KIFC2: variants seen among roughly 807,000 people sequenced by gnomAD.
KIFC2 encodes kinesin family member C2, also known as kinesin-like protein KIFC2.
KIFC2 carries 94 observed loss-of-function variants against 91.5 expected under a neutral mutation model. The ratio of observed to expected loss-of-function variants is 1.03; its 90% CI spans 0.87 to 1.22. KIFC2 has a LOEUF of 1.22. Among genes scored for constraint, KIFC2 ranks in the 50% most tolerant of loss-of-function variants. KIFC2 has a pLI of 0.00. For synonymous variants in KIFC2, 729 were observed against 503.9 expected (o/e 1.45, Z -5.98); for missense variants, 1,357 against 1,103.3 (o/e 1.23, Z -3.26).
At position 144,470,875 on chromosome 8, in the gene KIFC2, G is replaced by A. The variant is rs539243258; in HGVS notation, c.1381-1067G>A. ...TGCCACTGCAGCCCTTATCTCTCAGGGGAAAGTGAGGCACAGGAAGGCCAA... is the reference window on the plus strand; with the variant it reads ...TGCCACTGCAGCCCTTATCTCTCAGAGGAAAGTGAGGCACAGGAAGGCCAA... On this transcript the variant is annotated intron_variant, in intron 12 of 17. Transcript: ENST00000645548. Among the ~76,000 whole-genome samples, 4 of 152,338 alleles carry A rather than the reference G, an allele frequency of 2.6e-5. No individual in the cohort carries two copies. In the East Asian group the frequency reaches 5.8e-4, roughly 22 times the overall value.
Position 144,466,372 on chromosome 8 carries a change from G to T in KIFC2, c.-48G>T. The T allele has an allele frequency of 1.2e-6, 1 of 815,984 alleles. No homozygotes were observed. The highest frequency in any genetic ancestry group is 1.6e-6 in the Non-Finnish European group (1 of 628,072). 50.5% of individuals were successfully genotyped at this position (815,984 alleles called of 1,614,324 possible). A position where few individuals can be genotyped will look rare whatever the true frequency, so the allele number is the denominator to read the frequency against. On this transcript the variant is annotated 5_prime_UTR_variant, in exon 1 of 18. Transcript: ENST00000645548. ...CGGGCGGGCGCCGAGTCTGGGCGCG[G>T]GGACGCGGGGCGGCGCGAAGCGGGG...
chr8:144,473,244 C>T lies in KIFC2; in HGVS notation c.2231C>T (p.Ser744Phe), dbSNP rs1564750716. ...CGGCGCCGCAGGGTCCCGCGCTCCT[C>T]CGGGACGCCTTCTTCCCTCAGCACC... ...PARRRRVPRS[S>F]GTPSSLSTDT... The change falls in exon 18 of 18, where the codon TCC becomes TTC. Residue 744 changes from serine to phenylalanine, a missense_variant. By Grantham distance (155) the Ser-to-Phe change is radical. Coordinates refer to ENST00000645548, the MANE Select transcript of KIFC2 (RefSeq NM_001369769.2). The T allele has an allele frequency of 6.2e-7, 1 of 1,603,120 alleles. No individual in the cohort carries two copies. The highest frequency in any genetic ancestry group is 8.5e-7 in the Non-Finnish European group (1 of 1,176,026).
Position 144,474,132 on chromosome 8 carries a change from G to C in KIFC2, c.*743G>C. 1.2e-6 allele frequency: 1 copy of C among 850,468 alleles called. No individual in the cohort carries two copies. Among genetic ancestry groups the C allele is most frequent in the East Asian group, 2.7e-5 (1 of 37,622 alleles). 52.7% of individuals were successfully genotyped at this position (850,468 alleles called of 1,614,324 possible). On this transcript the variant is annotated 3_prime_UTR_variant, in exon 18 of 18. Coordinates refer to ENST00000645548, the MANE Select transcript of KIFC2 (RefSeq NM_001369769.2). ...TGGACTCCCAGCAAGGCTGCTGCCT[G>C]GTGTTTCGAGGCTGCTGTGGTCGCA... is the stretch of plus-strand genomic sequence containing the variant.
Position 144,472,468 on chromosome 8 carries a change from T to C in KIFC2, c.1715T>C (p.Leu572Pro). The C allele has an allele frequency of 6.2e-7, 1 of 1,611,972 alleles. No homozygotes were observed. Among genetic ancestry groups the C allele is most frequent in the Non-Finnish European group, 8.5e-7 (1 of 1,179,482 alleles). ...AGLTHWDVPN[L>P]ETLHQMLKLG... Reference sequence around the variant, plus strand: ...CTCACCCACTGGGACGTGCCCAACCTGGAGACATTGCACCAGGTAGGGCTG... The same window carrying C: ...CTCACCCACTGGGACGTGCCCAACCCGGAGACATTGCACCAGGTAGGGCTG... The change falls in exon 15 of 18, where the codon CTG (leucine) becomes CCG (proline). Residue 572 changes from leucine (L) to proline (P), a missense_variant. By Grantham distance (98) the Leu-to-Pro change is moderately conservative. Coordinates refer to ENST00000645548, the MANE Select transcript of KIFC2 (RefSeq NM_001369769.2).
At chr8:144,470,099 C>G (rs570868968) in intron 12 of KIFC2, among the ~76,000 whole-genome samples, 1 of 152,246 alleles carries the variant, frequency 6.6e-6, no homozygotes, top group Non-Finnish European at 1.5e-5. Flanking sequence ...ACGTTTTCAT[C>G]TGCACATGCC....
In KIFC2 at chr8:144,467,923, G is replaced by GC; in HGVS notation, c.748dup (p.Leu250ProfsTer76). On this transcript the variant is annotated frameshift_variant, in exon 7 of 18. Transcript: ENST00000645548. LOFTEE classifies it high-confidence loss of function. ...CTGGAGAACGAGGCCCTGAAGCAGA[G>GC]CCTGAGTCTCATGCGGGACCTCCTG... is the stretch of plus-strand genomic sequence containing the variant. 1 of 1,611,020 alleles carries GC rather than the reference G, an allele frequency of 6.2e-7. No homozygotes were observed. The highest frequency in any genetic ancestry group is 8.5e-7 in the Non-Finnish European group (1 of 1,179,036).
rs755980856 is a variant in KIFC2, at chr8:144,472,787, C to G, written c.1862-8C>G. The G allele has an allele frequency of 7.5e-6, 12 of 1,591,356 alleles. No individual in the cohort carries two copies. Among genetic ancestry groups the G allele is most frequent in the Non-Finnish European group, 1.0e-5 (12 of 1,177,006 alleles). On this transcript the variant is annotated splice_region_variant and splice_polypyrimidine_tract_variant and intron_variant, in intron 16 of 17. Transcript: ENST00000645548. ...CTTCCCCCATGTCGGGCTCGCTCGC[C>G]CCTCTAGGCACGCTGCACCTGGTGG... is the stretch of plus-strand genomic sequence containing the variant.
In KIFC2 at chr8:144,473,279, C is replaced by T. The variant is rs761675816; in HGVS notation, c.2266C>T (p.Leu756Phe). The T allele has an allele frequency of 1.2e-6, 2 of 1,606,172 alleles. No homozygotes were observed. Among genetic ancestry groups the T allele is most frequent in the South Asian group, 1.1e-5 (1 of 89,878 alleles). The change falls in exon 18 of 18, where the codon CTC becomes TTC. Residue 756 changes from leucine to phenylalanine, a missense_variant. Transcript: ENST00000645548. Reference protein sequence around the residue: ...TPSSLSTDTPLTGTPCTPTPS... With the variant: ...TPSSLSTDTPFTGTPCTPTPS... ...TTCTTCCCTCAGCACCGACACTCCG[C>T]TCACCGGGACCCCCTGCACCCCTAC...
At position 144,467,629 on chromosome 8, in the gene KIFC2, A is replaced by C. The variant is rs1434246121; in HGVS notation, c.614A>C (p.Gln205Pro). 2 of 1,597,352 alleles carry C rather than the reference A, an allele frequency of 1.3e-6. No individual in the cohort carries two copies. The highest frequency in any genetic ancestry group is 2.7e-5 in the African/African-American group (2 of 74,432). ...CGGCTGGAGCAGCTCATCCTGGGACAGGTGAGGTCCCTGGAGCCAGAAGGG... is the reference window on the plus strand; with the variant it reads ...CGGCTGGAGCAGCTCATCCTGGGACCGGTGAGGTCCCTGGAGCCAGAAGGG... ...WQRLEQLILG[Q>P]LEELKQQLEQ... Residue 205 changes from glutamine to proline, a missense_variant and splice_region_variant, in exon 5 of 18, where the codon CAG becomes CCG. Transcript: ENST00000645548.
At chr8:144,471,833 A>G (rs1824937302) in intron 12 of KIFC2, 109 bp from the exon 13 acceptor site, 2 of 902,862 alleles carry the variant, frequency 2.2e-6, no homozygotes, top group South Asian at 2.9e-5. Context: ...TCCTCCCAGG[A>G]GACTAGGCTC....
In KIFC2 at chr8:144,469,529, C is replaced by T. The variant is rs142679805; in HGVS notation, c.1262C>T (p.Ser421Phe). The stretch of plus-strand genomic sequence containing the variant: ...CTGTGTCGGCTGAGGCCAGGGACAT[C>T]TTCTAGCCTTGTGAGTGTGGAGCCT... ...RVLCRLRPGTSSSLVSVEPGP... is the reference protein window; with the variant it reads ...RVLCRLRPGTFSSLVSVEPGP... The change falls in exon 12 of 18, where the codon TCT becomes TTT. Residue 421 changes from serine (S) to phenylalanine (F), a missense_variant. By Grantham distance (155) the Ser-to-Phe change is radical. Transcript: ENST00000645548. 684 of 1,613,860 alleles carry T rather than the reference C, an allele frequency of 4.2e-4. No homozygotes were observed. The highest frequency in any genetic ancestry group is 2.3e-3 in the South Asian group (205 of 91,074).
intron 12 of KIFC2, among the ~76,000 whole-genome samples, chr8:144,469,922 C>T (rs1443870850): frequency 3.3e-5 from 5 of 152,242 alleles, no homozygotes; most frequent in Admixed American, 1.3e-4. Flanking sequence ...GCTTTATGGC[C>T]CCAAGGCAGG....
At chr8:144,469,042 C>T (rs558993133) in intron 10 of KIFC2, among the ~76,000 whole-genome samples, 5 of 152,290 alleles carry the variant, frequency 3.3e-5, no homozygotes, top group South Asian at 4.1e-4. Context: ...AAAGCATTGC[C>T]CAGAAGCACG....
At chr8:144,471,229 C>T (rs1003338137) in intron 12 of KIFC2, among the ~76,000 whole-genome samples, 9 of 152,064 alleles carry the variant, frequency 5.9e-5, no homozygotes, top group Non-Finnish European at 1.0e-4. Flanking sequence ...TCCCAAAGTG[C>T]TGGGTTTACA....
chr8:144,467,669 C>T (rs1199968158), intron 5 of KIFC2, 39 bp downstream of exon 5: 6 of 1,606,490 alleles, frequency 3.7e-6, no homozygotes, highest in African/African-American at 1.3e-5. Context: ...CCGGCTGGGA[C>T]GCCAGAAAAA....
chr8:144,468,699 C>G, intron 9 of KIFC2, 26 bp from the exon 10 acceptor site: 1 of 1,613,654 alleles, frequency 6.2e-7, no homozygotes, highest in South Asian at 1.1e-5. Flanking sequence ...GCTGGGCCTT[C>G]CCTTCCAACA....
At chr8:144,471,242 C>T (rs910939845) in intron 12 of KIFC2, among the ~76,000 whole-genome samples, 19 of 151,916 alleles carry the variant, frequency 1.3e-4, no homozygotes, top group Middle Eastern at 3.4e-3. Context: ...GGTTTACAGG[C>T]GTGAGCCACC....
At position 144,473,033 on chromosome 8, in the gene KIFC2, C is replaced by A; in HGVS notation, c.2100C>A (p.Thr700=). The change falls in exon 17 of 18, where the codon ACC becomes ACA. Residue 700 remains threonine, a synonymous_variant. Transcript: ENST00000645548. ...AGCCGGCGCTGGGCCCAGGCACCACCGCGGTGCTGCTGCTGCAGGTGGGCG... is the reference window on the plus strand; with the variant it reads ...AGCCGGCGCTGGGCCCAGGCACCACAGCGGTGCTGCTGCTGCAGGTGGGCG... ...LLQPALGPGT[T]AVLLLQISTR... 7.1e-7 allele frequency: 1 copy of A among 1,415,544 alleles called. No individual in the cohort carries two copies. The highest frequency in any genetic ancestry group is 1.5e-5 in the South Asian group (1 of 65,192). The allele number at this position is 1,415,544 out of a possible 1,614,324, so 87.7% of individuals were successfully genotyped here. A position where few individuals can be genotyped will look rare whatever the true frequency, so the allele number is the denominator to read the frequency against.
chr8:144,469,445 C>T (rs772462302), intron 11 of KIFC2, 45 bp from the exon 12 acceptor site: 2 of 1,613,432 alleles, frequency 1.2e-6, no homozygotes, highest in East Asian at 2.2e-5. Flanking sequence ...CTTCTCTGTG[C>T]TTTAGGGTCT....
Sources: allele counts gnomAD v4.1 joint callset (sites outside exome capture counted in the v4.1 genomes callset), GRCh38; gene constraint gnomAD v4.1.1; transcripts MANE v1.5; gene names NCBI Gene and HGNC (gene_info 2026-07-23, HGNC 2026-07-21).